GATAD2A: variants seen among roughly 807,000 people sequenced by gnomAD.
GATAD2A encodes GATA zinc finger domain containing 2A.
A neutral mutation model predicts 68.5 loss-of-function variants in GATAD2A; 12 were observed. The observed-to-expected ratio is 0.18, with a 90% CI of 0.11 to 0.28. GATAD2A has a LOEUF of 0.28. Among genes scored for constraint, GATAD2A ranks in the 10% least tolerant of loss-of-function variants. The pLI, the probability that GATAD2A is intolerant of heterozygous loss-of-function variation, is 1.00. For synonymous variants in GATAD2A, 410 were observed against 375.3 expected (o/e 1.09, Z -1.07); for missense variants, 755 against 868.5 (o/e 0.87, Z 1.64).
chr19:19,465,762 A>T lies in GATAD2A; in HGVS notation c.269+148A>T, dbSNP rs2057819939. ...AGGCTCAGCTCGGGCATCACCCACC[A>T]CTGGCAGCTGTGCTGTTGTGGCCAT... On this transcript the variant is annotated intron_variant, in intron 2 of 11. Transcript: ENST00000683918. 3.1e-6 allele frequency: 3 copies of T among 954,038 alleles called. No individual in the cohort carries two copies. In the South Asian group the frequency reaches 5.0e-5, roughly 16 times the overall value. 59.1% of individuals were successfully genotyped at this position (954,038 alleles called of 1,614,324 possible).
intron 2 of GATAD2A, among the ~76,000 whole-genome samples, chr19:19,479,304 A>G (rs1341604327): frequency 6.6e-6 from 1 of 152,226 alleles, no homozygotes; most frequent in East Asian, 1.9e-4. Context: ...AAAAGTTGCA[A>G]AGATCAGTCC....
At chr19:19,448,392 A>G (rs888194625) in intron 1 of GATAD2A, among the ~76,000 whole-genome samples, 2 of 152,348 alleles carry the variant, frequency 1.3e-5, no homozygotes, top group African/African-American at 4.8e-5. Flanking sequence ...GCCTCAAATG[A>G]GGGCAGTGTT....
chr19:19,456,133 G>A (rs1173082815), intron 1 of GATAD2A, among the ~76,000 whole-genome samples: 2 of 140,730 alleles, frequency 1.4e-5, no homozygotes. Context: ...CAGCCTGAGC[G>A]ACACAGCGAG....
At chr19:19,419,378 T>C (rs774011391) in intron 1 of GATAD2A, among the ~76,000 whole-genome samples, 1 of 152,174 alleles carries the variant, frequency 6.6e-6, no homozygotes, top group Non-Finnish European at 1.5e-5. Context: ...TTCCTGCCCA[T>C]GGAACTCTGA....
chr19:19,405,137 C>A (rs1329619922), upstream of GATAD2A, among the ~76,000 whole-genome samples: 1 of 152,062 alleles, frequency 6.6e-6, no homozygotes, highest in Non-Finnish European at 1.5e-5. Flanking sequence ...GGAGAGCAGT[C>A]GTCCCCAAGT....
chr19:19,496,300 C>G (rs1162626336), intron 7 of GATAD2A, 81 bp downstream of exon 7: 1 of 1,293,430 alleles, frequency 7.7e-7, no homozygotes, highest in African/African-American at 1.4e-5. Context: ...TTCTGGGGCA[C>G]AGTAGTGTTT....
chr19:19,483,075 C>T lies in GATAD2A; in HGVS notation c.270-9231C>T, dbSNP rs77401831. Reference sequence around the variant, plus strand: ...GCGTTCCTAGAAGGCGTTCTGGCAGCGCCGGCTGGCCGCCCCCTGGCTGTG... The same window carrying T: ...GCGTTCCTAGAAGGCGTTCTGGCAGTGCCGGCTGGCCGCCCCCTGGCTGTG... On this transcript the variant is annotated intron_variant, in intron 2 of 11. Transcript: ENST00000683918. 9.0e-3 allele frequency among the ~76,000 whole-genome samples: 1,372 copies of T among 152,272 alleles called. 24 individuals are homozygous for T. Among genetic ancestry groups the T allele is most frequent in the African/African-American group, 0.031 (1,299 of 41,542 alleles).
intron 4 of GATAD2A, among the ~76,000 whole-genome samples, chr19:19,493,967 G>A (rs1037282948): frequency 3.3e-5 from 5 of 152,126 alleles, no homozygotes; most frequent in African/African-American, 1.2e-4. Context: ...CTTTGCCTCA[G>A]CAGTGCTGCC....
At chr19:19,455,782 CCA>C (rs1301540810) in intron 1 of GATAD2A, among the ~76,000 whole-genome samples, 1 of 152,138 alleles carries the variant, frequency 6.6e-6, no homozygotes, top group Non-Finnish European at 1.5e-5. Context: ...CCTGTCAGAA[CCA>C]CAGAGCTGAG....
intron 1 of GATAD2A, among the ~76,000 whole-genome samples, chr19:19,456,901 A>T (rs2056987006): frequency 6.6e-6 from 1 of 152,164 alleles, no homozygotes; most frequent in African/African-American, 2.4e-5. Context: ...AAGGCGGCTG[A>T]TGAGAGTATT....
intron 1 of GATAD2A, among the ~76,000 whole-genome samples, chr19:19,393,056 A>G (rs571077980): frequency 6.6e-6 from 1 of 152,322 alleles, no homozygotes; most frequent in African/African-American, 2.4e-5. Context: ...CTGTAACCCT[A>G]GCACTTTGGG....
At chr19:19,460,735 A>G (rs1006743647) in intron 1 of GATAD2A, among the ~76,000 whole-genome samples, 2 of 151,692 alleles carry the variant, frequency 1.3e-5, no homozygotes, top group Admixed American at 6.6e-5. Context: ...GAGTGCCCCA[A>G]CTCCCCTCTG....
chr19:19,489,038 A>G (rs1189418770), intron 2 of GATAD2A, among the ~76,000 whole-genome samples: 1 of 152,238 alleles, frequency 6.6e-6, no homozygotes, highest in East Asian at 1.9e-4. Flanking sequence ...AATGCCTGCA[A>G]TCATTTTGAG....
intron 11 of GATAD2A, 36 bp downstream of exon 11, chr19:19,502,562 C>A: frequency 1.3e-6 from 2 of 1,504,140 alleles, no homozygotes; most frequent in Non-Finnish European, 1.8e-6. Flanking sequence ...AGGGGACCTG[C>A]CCATTGTGGG....
At chr19:19,503,539 C>T (rs143747621) in intron 11 of GATAD2A, among the ~76,000 whole-genome samples, 2 of 152,186 alleles carry the variant, frequency 1.3e-5, no homozygotes, top group South Asian at 2.1e-4. Context: ...TGAGGACTCA[C>T]GGGCTGGTCA....
chr19:19,429,709 G>A (rs973565779), intron 1 of GATAD2A, among the ~76,000 whole-genome samples: 1 of 151,936 alleles, frequency 6.6e-6, no homozygotes, highest in Non-Finnish European at 1.5e-5. Context: ...AACATGTACT[G>A]GCTGTCACCC....
chr19:19,498,789 C>T lies in GATAD2A; in HGVS notation c.1204+67C>T, dbSNP rs1157854332. On this transcript the variant is annotated intron_variant, in intron 8 of 11. Transcript: ENST00000683918. The stretch of plus-strand genomic sequence containing the variant: ...CTCCAAGGGTGCTGCCCCGTGGGTT[C>T]TTTCCAACACACAGCAGAGGCTGGG... The T allele has an allele frequency of 5.1e-6, 7 of 1,370,222 alleles. No homozygotes were observed. In the African/African-American group the frequency reaches 1.0e-4, roughly 20 times the overall value. 84.9% of individuals were successfully genotyped at this position (1,370,222 alleles called of 1,614,324 possible).
At chr19:19,494,011 C>T (rs370697980) in intron 4 of GATAD2A, among the ~76,000 whole-genome samples, 131 of 152,248 alleles carry the variant, frequency 8.6e-4, no homozygotes, top group East Asian at 4.1e-3. Context: ...GAGGGCACAG[C>T]GGGTGCCAGG....
At chr19:19,451,584 T>C (rs1489740427) in intron 1 of GATAD2A, among the ~76,000 whole-genome samples, 2 of 152,182 alleles carry the variant, frequency 1.3e-5, no homozygotes, top group South Asian at 2.1e-4. Flanking sequence ...TGTGGCTCTA[T>C]CCAGCTAGGT....
Sources: gnomAD v4.1 joint callset for allele counts (sites outside exome capture counted in the v4.1 genomes callset) on GRCh38, gnomAD v4.1.1 for gene constraint, MANE v1.5 for transcripts, NCBI Gene and HGNC (gene_info 2026-07-23, HGNC 2026-07-21) for gene names.